The following ZNF451 variants were observed in gnomAD, a reference collection of about 807,000 sequenced individuals.
ZNF451 encodes E3 SUMO-protein ligase ZNF451.
ZNF451 carries 80 observed loss-of-function variants against 107.1 expected under a neutral mutation model. The ratio of observed to expected loss-of-function variants is 0.75; its 90% confidence interval spans 0.62 to 0.90. The LOEUF is 0.90. Ranked by LOEUF, ZNF451 falls within the 40% of genes least tolerant of loss-of-function variation. The pLI is 0.00. For missense variants in ZNF451, 1,107 were observed against 1,236.2 expected (o/e 0.90, Z 1.57); for synonymous variants, 362 against 406.5 (o/e 0.89, Z 1.32).
At chr6:57,100,742 A>C in intron 3 of ZNF451, 1 of 1,550,560 alleles carries the variant, frequency 6.4e-7, no homozygotes, top group Non-Finnish European at 8.7e-7. Context: ...ATAGTTTCTC[A>C]AACTTCCTCT....
chr6:57,106,521 G>T, intron 3 of ZNF451: 1 of 789,480 alleles, frequency 1.3e-6, no homozygotes, highest in Non-Finnish European at 1.5e-6. Flanking sequence ...GGTCAGGCTG[G>T]TCTCAAACTC....
At chr6:57,163,224 C>A (rs1304149059) in intron 14 of ZNF451, among the ~76,000 whole-genome samples, 1 of 151,974 alleles carries the variant, frequency 6.6e-6, no homozygotes, top group Non-Finnish European at 1.5e-5. Flanking sequence ...CAGTGCCTTT[C>A]CTAGATTGTC....
chr6:57,143,545 A>G (rs897365086), intron 9 of ZNF451, among the ~76,000 whole-genome samples: 1 of 152,234 alleles, frequency 6.6e-6, no homozygotes, highest in African/African-American at 2.4e-5. Context: ...CAATATAAAC[A>G]TTTAAAAATA....
rs192466311 is a variant in ZNF451, at chr6:57,092,122, T to C, written c.105+1228T>C. ...AGATATTTCAGGTTCTTCCTGAATC[T>C]TGGTATATTTGTGAAGAGAATTTTT... On this transcript the variant is annotated intron_variant, in intron 2 of 14. Coordinates refer to ENST00000370706, the MANE Select transcript of ZNF451 (RefSeq NM_001031623.3). Among the ~76,000 whole-genome samples the C allele has an allele frequency of 2.6e-3, 397 of 152,332 alleles. 5 individuals carry two copies. Among genetic ancestry groups the C allele is most frequent in the African/African-American group, 8.9e-3 (372 of 41,580 alleles).
In ZNF451 at chr6:57,108,637, G is replaced by A. The variant is rs139900442; in HGVS notation, c.186+9496G>A. Reference sequence around the variant, plus strand: ...CTCATTTAGATTCTTGGGACAGAACGGCCTGTGTATTGATCTTTCTTTAAT... The same window carrying A: ...CTCATTTAGATTCTTGGGACAGAACAGCCTGTGTATTGATCTTTCTTTAAT... On this transcript the variant is annotated intron_variant, in intron 3 of 14. Coordinates refer to ENST00000370706, the MANE Select transcript of ZNF451 (RefSeq NM_001031623.3). 41 of 985,326 alleles carry A rather than the reference G, an allele frequency of 4.2e-5. No homozygotes were observed. In the East Asian group the frequency reaches 2.7e-3, roughly 65 times the overall value. The allele number at this position is 985,326 out of a possible 1,614,324, so 61.0% of individuals were successfully genotyped here. A position where few individuals can be genotyped will look rare whatever the true frequency, so the allele number is the denominator to read the frequency against.
Position 57,161,155 on chromosome 6 carries a change from A to G in ZNF451, c.3139+3A>G. On this transcript the variant is annotated splice_donor_region_variant and intron_variant, in intron 14 of 14. Coordinates refer to ENST00000370706, the MANE Select transcript of ZNF451 (RefSeq NM_001031623.3). ...AGAAGAATTTATATCCACAGAAGGTAACCTAATAGAGTTAATCTCTTTTCT... is the reference window on the plus strand; with the variant it reads ...AGAAGAATTTATATCCACAGAAGGTGACCTAATAGAGTTAATCTCTTTTCT... The G allele has an allele frequency of 1.3e-6, 2 of 1,489,614 alleles. No individual in the cohort carries two copies. Among genetic ancestry groups the G allele is most frequent in the South Asian group, 1.4e-5 (1 of 70,300 alleles). 92.3% of individuals were successfully genotyped at this position (1,489,614 alleles called of 1,614,324 possible). A position where few individuals can be genotyped will look rare whatever the true frequency, so the allele number is the denominator to read the frequency against.
At chr6:57,166,253 A>G (rs1763892126) in intron 14 of ZNF451, among the ~76,000 whole-genome samples, 1 of 152,212 alleles carries the variant, frequency 6.6e-6, no homozygotes. Flanking sequence ...GTCTCGAACT[A>G]CTGACCTCAG....
At chr6:57,094,933 A>G (rs9396258) in intron 2 of ZNF451, among the ~76,000 whole-genome samples, 17,927 of 152,234 alleles carry the variant, frequency 0.12, 1,291 homozygotes, top group African/African-American at 0.19. Flanking sequence ...TGATAATTCA[A>G]TATCTCACCT....
chr6:57,124,152 A>G (rs1317833300), intron 3 of ZNF451, among the ~76,000 whole-genome samples: 2 of 152,184 alleles, frequency 1.3e-5, no homozygotes, highest in African/African-American at 4.8e-5. Flanking sequence ...GATGATCTTT[A>G]TAAAGTGAAG....
Position 57,145,377 on chromosome 6 carries a change from GGGCTTTTAATGTCACTA to G in ZNF451, c.1005-1712_1005-1696del, listed in dbSNP as rs1321475914. Among the ~76,000 whole-genome samples, 3 of 152,204 alleles carry G rather than the reference GGGCTTTTAATGTCACTA, an allele frequency of 2.0e-5. No individual in the cohort carries two copies. In the East Asian group the frequency reaches 5.8e-4, roughly 29 times the overall value. Reference sequence around the variant, plus strand: ...GGTATATTGTGAAGCTCAGATATCTGGGCTTTTAATGTCACTATCATCCAAATAGTGAACATTGTACC... The same window carrying G: ...GGTATATTGTGAAGCTCAGATATCTGTCATCCAAATAGTGAACATTGTACC... On this transcript the variant is annotated intron_variant, in intron 9 of 14. Transcript: ENST00000370706.
rs569701560 is a variant in ZNF451, at chr6:57,154,414, G to A, written c.3070+367G>A. 1.3e-4 allele frequency: 47 copies of A among 368,180 alleles called. No individual in the cohort carries two copies. The East Asian group carries it at 2.1e-3, about 17-fold the overall frequency. 22.8% of individuals were successfully genotyped at this position (368,180 alleles called of 1,614,324 possible). On this transcript the variant is annotated intron_variant, in intron 13 of 14. Coordinates refer to ENST00000370706, the MANE Select transcript of ZNF451 (RefSeq NM_001031623.3). Reference sequence around the variant, plus strand: ...GACCTTCAGTTTTTTAGAAAGCAGTGCGCTTAGAGGTGAAAACCAGAAAGC... The same window carrying A: ...GACCTTCAGTTTTTTAGAAAGCAGTACGCTTAGAGGTGAAAACCAGAAAGC...
chr6:57,131,110 C>CT (rs1307313624), intron 5 of ZNF451, among the ~76,000 whole-genome samples: 1 of 152,122 alleles, frequency 6.6e-6, no homozygotes, highest in Non-Finnish European at 1.5e-5. Context: ...CATTAAAGGA[C>CT]TCATTCAATC....
At chr6:57,112,157 T>A (rs1417015107) in intron 3 of ZNF451, among the ~76,000 whole-genome samples, 1 of 152,190 alleles carries the variant, frequency 6.6e-6, no homozygotes, top group Admixed American at 6.5e-5. Flanking sequence ...GGGTTTGAGT[T>A]ATATAAGTTG....
chr6:57,153,042 A>G (rs901516784), intron 12 of ZNF451, among the ~76,000 whole-genome samples: 2 of 152,098 alleles, frequency 1.3e-5, no homozygotes, highest in Admixed American at 1.3e-4. Context: ...CCAAACTGAG[A>G]CCCACTTTAA....
In ZNF451 at chr6:57,154,062, T is replaced by A. The variant is rs1562627121; in HGVS notation, c.3070+15T>A. The stretch of plus-strand genomic sequence containing the variant: ...TACCACCAAAGGTACGCAGCTGCAG[T>A]CACAGTGCAAACCACCCAAGAGGAG... On this transcript the variant is annotated intron_variant, in intron 13 of 14. Coordinates refer to ENST00000370706, the MANE Select transcript of ZNF451 (RefSeq NM_001031623.3). The A allele has an allele frequency of 6.2e-7, 1 of 1,613,794 alleles. No individual in the cohort carries two copies. Among genetic ancestry groups the A allele is most frequent in the East Asian group, 2.2e-5 (1 of 44,880 alleles).
intron 11 of ZNF451, 38 bp downstream of exon 11, chr6:57,150,900 C>T (rs1277938430): frequency 4.3e-6 from 7 of 1,611,246 alleles, no homozygotes; most frequent in Non-Finnish European, 5.1e-6. Flanking sequence ...AACTTTTTCC[C>T]ACCTCTTAGA....
At chr6:57,155,049 A>G (rs1783143673) in intron 13 of ZNF451, among the ~76,000 whole-genome samples, 1 of 152,226 alleles carries the variant, frequency 6.6e-6, no homozygotes, top group African/African-American at 2.4e-5. Context: ...TGGAGTAATG[A>G]TGGAAGATTA....
chr6:57,100,653 G>A, intron 3 of ZNF451: 1 of 1,546,902 alleles, frequency 6.5e-7, no homozygotes. Context: ...GCCCAGAAAT[G>A]TGCTCTAGCT....
At chr6:57,099,419 G>T (rs1299906243) in intron 3 of ZNF451, 1 of 713,020 alleles carries the variant, frequency 1.4e-6, no homozygotes, top group Non-Finnish European at 2.6e-6. Context: ...AATAAAAACT[G>T]CAAGCTTATT....
Sources: gnomAD v4.1 joint callset for allele counts (sites outside exome capture counted in the v4.1 genomes callset) on GRCh38, gnomAD v4.1.1 for gene constraint, MANE v1.5 for transcripts, NCBI Gene and HGNC (gene_info 2026-07-23, HGNC 2026-07-21) for gene names.